Variants in PCTP observed in about 807,000 individuals in gnomAD.
PCTP encodes the protein START domain-containing protein 2.
In PCTP, 27 loss-of-function variants were observed where a neutral mutation model predicts 31.0. The observed-to-expected ratio is 0.87, with a 90% CI of 0.64 to 1.20. PCTP has a LOEUF of 1.20. PCTP is among the 50% of genes most tolerant of loss of function. The probability of loss-of-function intolerance (pLI) is 0.00; values close to 1 mark genes in which losing one functional copy is unlikely to be tolerated. For missense variants in PCTP, 287 were observed against 268.2 expected (o/e 1.07, Z -0.49); for synonymous variants, 108 against 101.2 (o/e 1.07, Z -0.40).
chr17:55,762,876 C>T (rs1341946216), intron 1 of PCTP, among the ~76,000 whole-genome samples: 1 of 152,184 alleles, frequency 6.6e-6, no homozygotes, highest in African/African-American at 2.4e-5. Flanking sequence ...GGAGTGTTTA[C>T]CACATCAAGT....
chr17:55,808,529 C>G (rs186883747), intron 3 of PCTP, among the ~76,000 whole-genome samples: 21 of 152,330 alleles, frequency 1.4e-4, no homozygotes, highest in Middle Eastern at 3.4e-3. Flanking sequence ...TCCACACTGG[C>G]CACTGGCCTT....
intron 3 of PCTP, among the ~76,000 whole-genome samples, chr17:55,809,015 A>G (rs575200869): frequency 5.9e-5 from 9 of 152,202 alleles, no homozygotes; most frequent in Admixed American, 1.3e-4. Flanking sequence ...GTGAGCAAAA[A>G]CCAGCTAATC....
chr17:55,756,596 C>T (rs1910029617), intron 1 of PCTP, among the ~76,000 whole-genome samples: 2 of 152,134 alleles, frequency 1.3e-5, no homozygotes, highest in African/African-American at 4.8e-5. Flanking sequence ...TTTGGTGGTC[C>T]TTTTGAGAGG....
the PCTP span, among the ~76,000 whole-genome samples, chr17:55,851,108 T>C: frequency 6.6e-6 from 1 of 152,168 alleles, no homozygotes; most frequent in Admixed American, 6.5e-5. Flanking sequence ...TTTATGAAAA[T>C]GGACTAGGGC....
chr17:55,778,627 T>G (rs1911450910), downstream of PCTP, among the ~76,000 whole-genome samples: 1 of 136,650 alleles, frequency 7.3e-6, no homozygotes, highest in Non-Finnish European at 1.6e-5. Context: ...GGGTGGGCGG[T>G]TTCTAGATTT....
At chr17:55,808,782 C>T (rs1014441047) in intron 3 of PCTP, among the ~76,000 whole-genome samples, 8 of 152,138 alleles carry the variant, frequency 5.3e-5, no homozygotes, top group Non-Finnish European at 2.9e-5. Context: ...CTGAAGAACC[C>T]TGGAAGGTCC....
downstream of PCTP, among the ~76,000 whole-genome samples, chr17:55,845,997 T>G (rs539663062): frequency 4.2e-4 from 64 of 151,908 alleles, no homozygotes; most frequent in East Asian, 7.8e-4. Flanking sequence ...CATGGATTCA[T>G]GCATATTCAT....
chr17:55,818,043 T>C (rs544896742), intron 3 of PCTP, among the ~76,000 whole-genome samples: 2 of 152,260 alleles, frequency 1.3e-5, no homozygotes, highest in South Asian at 4.1e-4. Flanking sequence ...ATGTACAGGA[T>C]ATGATGCAGC....
downstream of PCTP, among the ~76,000 whole-genome samples, chr17:55,827,742 T>G (rs576311550): frequency 1.0e-3 from 159 of 152,330 alleles, no homozygotes; most frequent in South Asian, 4.1e-3. Context: ...ATTCTGCCTC[T>G]CTGGGAAAAG....
chr17:55,810,253 G>T (rs1034518489), intron 3 of PCTP, among the ~76,000 whole-genome samples: 2 of 152,238 alleles, frequency 1.3e-5, no homozygotes, highest in Non-Finnish European at 2.9e-5. Context: ...CTGGCCTCAA[G>T]TGATCCTCCT....
the PCTP span, among the ~76,000 whole-genome samples, chr17:55,849,136 A>G: frequency 1.3e-5 from 2 of 152,198 alleles, no homozygotes; most frequent in African/African-American, 2.4e-5. Flanking sequence ...TTTAGGATGC[A>G]TAGGAAAAGA....
At chr17:55,780,582 C>T (rs1281656042), downstream of PCTP, among the ~76,000 whole-genome samples, 2 of 152,196 alleles carry the variant, frequency 1.3e-5, no homozygotes, top group Admixed American at 1.3e-4. Context: ...GAATCTGCCC[C>T]ACATTCATGT....
chr17:55,776,930 A>C lies in PCTP; in HGVS notation c.*830A>C, dbSNP rs934495380. The C allele has an allele frequency of 2.0e-6, 2 of 987,808 alleles. No homozygotes were observed. The highest frequency in any genetic ancestry group is 1.7e-5 in the African/African-American group (1 of 57,380). 61.2% of individuals were successfully genotyped at this position (987,808 alleles called of 1,614,324 possible). On this transcript the variant is annotated 3_prime_UTR_variant, in exon 6 of 6. Transcript: ENST00000268896. ...ATGGCTGTGGCAGCTAGCAAAAGCAAAGATGCTTTGTGCATAGCCTTGTGA... is the reference window on the plus strand; with the variant it reads ...ATGGCTGTGGCAGCTAGCAAAAGCACAGATGCTTTGTGCATAGCCTTGTGA...
At chr17:55,800,792 C>A (rs562250273) in intron 3 of PCTP, among the ~76,000 whole-genome samples, 1 of 152,122 alleles carries the variant, frequency 6.6e-6, no homozygotes, top group East Asian at 1.9e-4. Flanking sequence ...AAGTTGGTGA[C>A]CTTCAATAGG....
chr17:55,838,123 A>G (rs1166486562), intron 5 of PCTP, among the ~76,000 whole-genome samples: 3 of 152,218 alleles, frequency 2.0e-5, no homozygotes, highest in African/African-American at 7.2e-5. Flanking sequence ...ATTGGGTGAC[A>G]GAACAAGACC....
chr17:55,831,945 G>T (rs915238027), intron 5 of PCTP, among the ~76,000 whole-genome samples: 1 of 152,096 alleles, frequency 6.6e-6, no homozygotes, highest in Non-Finnish European at 1.5e-5. Flanking sequence ...GCGTGGTGGT[G>T]GGCACCTGTA....
chr17:55,798,503 G>T (rs1912260904), intron 3 of PCTP, among the ~76,000 whole-genome samples: 3 of 151,970 alleles, frequency 2.0e-5, no homozygotes, highest in African/African-American at 2.4e-5. Context: ...AGATATGTTA[G>T]CATTAACGAA....
downstream of PCTP, among the ~76,000 whole-genome samples, chr17:55,845,887 G>GTGTGTGT (rs1906133141): frequency 7.0e-6 from 1 of 142,962 alleles, no homozygotes; most frequent in African/African-American, 2.6e-5. Flanking sequence ...AGAGGGTTGG[G>GTGTGTGT]GTGTGTGTGT....
At chr17:55,772,385 G>C (rs1447871760) in intron 3 of PCTP, among the ~76,000 whole-genome samples, 2 of 151,982 alleles carry the variant, frequency 1.3e-5, no homozygotes, top group South Asian at 4.2e-4. Flanking sequence ...GTCAGAGTTC[G>C]AGATCAGCCT....
Sources: allele counts gnomAD v4.1 joint callset (sites outside exome capture counted in the v4.1 genomes callset), GRCh38; gene constraint gnomAD v4.1.1; transcripts MANE v1.5; gene names NCBI Gene and HGNC (gene_info 2026-07-23, HGNC 2026-07-21).